SH3PXD2B: variants seen among roughly 807,000 people sequenced by gnomAD.
SH3PXD2B encodes SH3 and PX domains 2B, also known as SH3 and PX domain-containing protein 2B.
In SH3PXD2B, 37 loss-of-function variants were observed where a neutral mutation model predicts 73.1. The observed-to-expected ratio is 0.51, with a 90% CI of 0.39 to 0.67. The LOEUF is 0.67. Among genes scored for constraint, SH3PXD2B ranks in the 30% least tolerant of loss-of-function variants. SH3PXD2B has a pLI of 0.00. For synonymous variants in SH3PXD2B, 457 were observed against 480.5 expected, an observed-to-expected ratio of 0.95 and a Z score of 0.64; for missense variants, 1,053 against 1,197.8, an observed-to-expected ratio of 0.88 and a Z score of 1.78.
chr5:172,334,632 TG>T lies in SH3PXD2B; in HGVS notation c.*3736del. On this transcript the variant is annotated 3_prime_UTR_variant, in exon 13 of 13. Coordinates refer to ENST00000311601, the MANE Select transcript of SH3PXD2B (RefSeq NM_001017995.3). Reference sequence around the variant, plus strand: ...GCCAACATGTAAGACTTGGGCACGATGAAAGGACGGGGGTCCAGCTACGAAT... The same window carrying T: ...GCCAACATGTAAGACTTGGGCACGATAAAGGACGGGGGTCCAGCTACGAAT... 1 of 985,462 alleles carries T rather than the reference TG, an allele frequency of 1.0e-6. No homozygotes were observed. Among genetic ancestry groups the T allele is most frequent in the Non-Finnish European group, 1.2e-6 (1 of 829,968 alleles). The allele number at this position is 985,462 out of a possible 1,614,324, so 61.0% of individuals were successfully genotyped here.
At chr5:172,441,837 G>A (rs1759556908) in intron 1 of SH3PXD2B, among the ~76,000 whole-genome samples, 1 of 152,000 alleles carries the variant, frequency 6.6e-6, no homozygotes, top group Non-Finnish European at 1.5e-5. Flanking sequence ...GGTGTCATAG[G>A]GGAGGAGAAG....
intron 1 of SH3PXD2B, among the ~76,000 whole-genome samples, chr5:172,433,174 C>T (rs148733318): frequency 2.0e-3 from 303 of 152,206 alleles, no homozygotes; most frequent in African/African-American, 7.1e-3. Context: ...GTATTCAGTA[C>T]AGTAACACAG....
At chr5:172,439,529 C>CTA (rs1300147806) in intron 1 of SH3PXD2B, among the ~76,000 whole-genome samples, 3 of 152,122 alleles carry the variant, frequency 2.0e-5, no homozygotes, top group Non-Finnish European at 4.4e-5. Context: ...AGGGCCATCA[C>CTA]TAATAACCCA....
intron 12 of SH3PXD2B, among the ~76,000 whole-genome samples, chr5:172,340,963 G>A (rs1756836795): frequency 6.6e-6 from 1 of 152,172 alleles, no homozygotes; most frequent in African/African-American, 2.4e-5. Context: ...TTATATACAG[G>A]GGACCTGGAG....
At chr5:172,362,936 G>A in intron 6 of SH3PXD2B, 67 bp from the exon 7 acceptor site, 4 of 1,604,678 alleles carry the variant, frequency 2.5e-6, no homozygotes, top group Non-Finnish European at 3.4e-6. Flanking sequence ...AGTCAGAGCA[G>A]TAGGGCGGGT....
chr5:172,385,941 C>CCTAA (rs1758051727), intron 4 of SH3PXD2B, among the ~76,000 whole-genome samples: 1 of 152,302 alleles, frequency 6.6e-6, no homozygotes, highest in South Asian at 2.1e-4. Flanking sequence ...CCAGGATAGT[C>CCTAA]CTAAGTCCTG....
chr5:172,362,572 G>A (rs1232191373), intron 7 of SH3PXD2B, among the ~76,000 whole-genome samples, 163 bp downstream of exon 7: 2 of 152,174 alleles, frequency 1.3e-5, no homozygotes, highest in Non-Finnish European at 2.9e-5. Flanking sequence ...GGATATTCAA[G>A]CACAGTGATC....
At chr5:172,407,975 C>G (rs1240031672) in intron 2 of SH3PXD2B, among the ~76,000 whole-genome samples, 1 of 152,214 alleles carries the variant, frequency 6.6e-6, no homozygotes, top group Non-Finnish European at 1.5e-5. Flanking sequence ...TGAAATGCTA[C>G]AAAGACAATT....
At chr5:172,428,042 C>T (rs1327717263) in intron 1 of SH3PXD2B, among the ~76,000 whole-genome samples, 2 of 152,082 alleles carry the variant, frequency 1.3e-5, no homozygotes, top group Non-Finnish European at 2.9e-5. Context: ...TCCCAAAGTG[C>T]TGGGATTACA....
chr5:172,446,087 G>A (rs536901361), intron 1 of SH3PXD2B, among the ~76,000 whole-genome samples: 1 of 152,272 alleles, frequency 6.6e-6, no homozygotes, highest in South Asian at 2.1e-4. Context: ...CCACCCAGGG[G>A]CCAGCTGACC....
intron 4 of SH3PXD2B, among the ~76,000 whole-genome samples, chr5:172,393,838 C>G (rs1758238248): frequency 6.6e-6 from 1 of 152,148 alleles, no homozygotes; most frequent in Non-Finnish European, 1.5e-5. Context: ...TTAGGACGTT[C>G]AAGGGACAGG....
intron 2 of SH3PXD2B, among the ~76,000 whole-genome samples, chr5:172,418,736 A>G (rs1010144084): frequency 5.9e-5 from 9 of 152,196 alleles, no homozygotes; most frequent in African/African-American, 2.2e-4. Context: ...CCAGCCGTCC[A>G]TCTGGGACTC....
At chr5:172,419,211 G>A (rs768849986) in intron 2 of SH3PXD2B, among the ~76,000 whole-genome samples, 8 of 152,176 alleles carry the variant, frequency 5.3e-5, no homozygotes, top group Non-Finnish European at 4.4e-5. Context: ...GCCTTAGGCT[G>A]CGCTGGAACA....
intron 1 of SH3PXD2B, among the ~76,000 whole-genome samples, chr5:172,439,034 T>A (rs1300085565): frequency 6.8e-6 from 1 of 148,114 alleles, no homozygotes; most frequent in Non-Finnish European, 1.5e-5. Flanking sequence ...AGGTCGGGAG[T>A]TCGAGACCAG....
At chr5:172,394,982 C>A (rs962728221) in intron 3 of SH3PXD2B, among the ~76,000 whole-genome samples, 1 of 152,252 alleles carries the variant, frequency 6.6e-6, no homozygotes, top group South Asian at 2.1e-4. Context: ...CTGTCCAACT[C>A]CAGGATTCTG....
At chr5:172,332,734 T>C (rs951831651), downstream of SH3PXD2B, among the ~76,000 whole-genome samples, 1 of 152,018 alleles carries the variant, frequency 6.6e-6, no homozygotes, top group African/African-American at 2.4e-5. Flanking sequence ...CTTCTCTCCT[T>C]AGGAAGGTGG....
At chr5:172,430,268 C>T (rs750401882) in intron 1 of SH3PXD2B, among the ~76,000 whole-genome samples, 2 of 152,262 alleles carry the variant, frequency 1.3e-5, no homozygotes, top group Non-Finnish European at 2.9e-5. Context: ...GAACTTCCCA[C>T]AGCCCGTCCC....
At chr5:172,434,499 C>T (rs543737256) in intron 1 of SH3PXD2B, among the ~76,000 whole-genome samples, 3 of 152,286 alleles carry the variant, frequency 2.0e-5, no homozygotes, top group East Asian at 1.9e-4. Flanking sequence ...AAACAGCTGC[C>T]GCCCTGCTTC....
chr5:172,439,962 A>G (rs558868922), intron 1 of SH3PXD2B, among the ~76,000 whole-genome samples: 41 of 152,292 alleles, frequency 2.7e-4, no homozygotes, highest in Admixed American at 2.5e-3. Context: ...GGCGTGGGGA[A>G]CTTTCCAATG....
Sources: gnomAD v4.1 joint callset for allele counts (sites outside exome capture counted in the v4.1 genomes callset) on GRCh38, gnomAD v4.1.1 for gene constraint, MANE v1.5 for transcripts, NCBI Gene and HGNC (gene_info 2026-07-23, HGNC 2026-07-21) for gene names.